The following TOMM34 variants were observed in gnomAD, a reference collection of about 807,000 sequenced individuals.
TOMM34 encodes the protein translocase of outer mitochondrial membrane 34.
In TOMM34, 24 loss-of-function variants were observed where a neutral mutation model predicts 37.4. The observed-to-expected ratio is 0.64, with a 90% CI of 0.46 to 0.90. TOMM34 has a LOEUF of 0.90. TOMM34 is among the 40% of genes least tolerant of loss of function. TOMM34 has a pLI of 0.00. For missense variants in TOMM34, 304 were observed against 375.6 expected (o/e 0.81, Z 1.58); for synonymous variants, 154 against 148.9 (o/e 1.03, Z -0.25).
chr20:44,948,789 A>G lies in TOMM34; in HGVS notation c.639T>C (p.Ile213=). 1 of 1,614,136 alleles carries G rather than the reference A, an allele frequency of 6.2e-7. No homozygotes were observed. Among genetic ancestry groups the G allele is most frequent in the Non-Finnish European group, 8.5e-7 (1 of 1,180,014 alleles). Residue 213 remains isoleucine (I), a synonymous_variant, in exon 5 of 7, where the codon ATT becomes ATC. Transcript: ENST00000372813. ...ACAAGAGGCTTTCACTGTACTTCTC[A>G]ATAGCTTTCTTATGGTTTCCCTTCT... ...LVKKGNHKKA[I]EKYSESLLCS...
chr20:44,943,630 C>T (rs2145591821), intron 5 of TOMM34, 51 bp from the exon 6 acceptor site: 7 of 1,610,932 alleles, frequency 4.3e-6, no homozygotes, highest in Non-Finnish European at 5.9e-6. Flanking sequence ...ATGGGCCACC[C>T]ACATGCCACG....
chr20:44,949,303 C>T (rs975276998), intron 4 of TOMM34, among the ~76,000 whole-genome samples: 11 of 152,142 alleles, frequency 7.2e-5, no homozygotes, highest in Middle Eastern at 3.4e-3. Context: ...TAAGAAAGTA[C>T]GGAACACACT....
rs765513123 is a variant in TOMM34 at position 44,960,197 on chromosome 20, G to A, written c.127+10C>T. On this transcript the variant is annotated intron_variant, in intron 1 of 6. Transcript: ENST00000372813. ...CAGGCCCGGAGGTGAGATGGGGGCC[G>A]GGGTCGTACCTTGCGCCTGCAGCAC... The A allele has an allele frequency of 6.4e-7, 1 of 1,554,624 alleles. No individual in the cohort carries two copies. The highest frequency in any genetic ancestry group is 1.4e-5 in the African/African-American group (1 of 72,260).
intron 2 of TOMM34, 88 bp downstream of exon 2, chr20:44,956,298 G>T: frequency 1.6e-6 from 2 of 1,271,118 alleles, no homozygotes; most frequent in Non-Finnish European, 2.3e-6. Flanking sequence ...TAATTGATGG[G>T]ATCCTTCCAA....
chr20:44,951,166 T>G (rs745958919), intron 4 of TOMM34, among the ~76,000 whole-genome samples: 1 of 152,094 alleles, frequency 6.6e-6, no homozygotes, highest in Non-Finnish European at 1.5e-5. Context: ...AGAAAATGAT[T>G]GAGAAAATAT....
At chr20:44,947,490 A>G (rs1371024246) in intron 5 of TOMM34, among the ~76,000 whole-genome samples, 2 of 152,128 alleles carry the variant, frequency 1.3e-5, no homozygotes, top group Non-Finnish European at 2.9e-5. Flanking sequence ...TTACCTCACT[A>G]AAATGGAAAA....
intron 1 of TOMM34, 178 bp downstream of exon 1, chr20:44,960,029 A>C (rs1026882962): frequency 1.5e-5 from 15 of 980,808 alleles, no homozygotes; most frequent in Non-Finnish European, 1.8e-5. Flanking sequence ...CCAACAGGGC[A>C]GTTAACAAGC....
chr20:44,943,461 C>T lies in TOMM34; in HGVS notation c.817G>A (p.Ala273Thr), dbSNP rs756013682. The change falls in exon 6 of 7, where the codon GCA becomes ACA. Residue 273 changes from alanine (A) to threonine (T), a missense_variant. Physicochemically the swap from Ala to Thr is moderately conservative, Grantham distance 58 (BLOSUM62 0). Coordinates refer to ENST00000372813, the MANE Select transcript of TOMM34 (RefSeq NM_006809.5). ...AFYRRAQAHK[A>T]LKDYKSSFAD... ...CCAGGATTTTTTTTTACCTTGAGTGCTTTGTGGGCTTGAGCCCGTCTGTAG... is the reference window on the plus strand; with the variant it reads ...CCAGGATTTTTTTTTACCTTGAGTGTTTTGTGGGCTTGAGCCCGTCTGTAG... 14 of 1,613,960 alleles carry T rather than the reference C, an allele frequency of 8.7e-6. No homozygotes were observed. The Admixed American group carries it at 2.3e-4, about 27-fold the overall frequency.
rs1351481825 is a variant in TOMM34, at chr20:44,960,225, G to T, written c.109C>A (p.Arg37=). ...EASALYGRAL[R]VLQAQGSSDP... ...GTCGTACCTTGCGCCTGCAGCACCC[G>T]CAGCGCGCGGCCGTAGAGCGCGGAG... Residue 37 remains arginine, a synonymous_variant, in exon 1 of 7, where the codon CGG becomes AGG. Transcript: ENST00000372813. 1.3e-6 allele frequency: 2 copies of T among 1,560,014 alleles called. No homozygotes were observed.
chr20:44,945,513 C>T (rs1366412304), intron 5 of TOMM34, among the ~76,000 whole-genome samples: 22 of 152,222 alleles, frequency 1.4e-4, no homozygotes. Context: ...GAGCCTTGAA[C>T]TGACAGGGAA....
chr20:44,958,774 G>C (rs905413043), intron 1 of TOMM34: 1 of 153,382 alleles, frequency 6.5e-6, no homozygotes, highest in Non-Finnish European at 1.5e-5. Context: ...GACCAGCTGG[G>C]GTGAGATGAA....
rs199961306 is a variant in TOMM34 at position 44,943,592 on chromosome 20, A to G, written c.699-13T>C. The G allele has an allele frequency of 1.6e-5, 26 of 1,613,934 alleles. No individual in the cohort carries two copies. The highest frequency in any genetic ancestry group is 2.2e-5 in the Non-Finnish European group (26 of 1,179,982). ...ATAGCAGAGTGCTCTGAAGGGAAAG[A>G]CCATTTCAGAGGTTTCAGTCACGTC... On this transcript the variant is annotated splice_polypyrimidine_tract_variant and intron_variant, in intron 5 of 6. Transcript: ENST00000372813.
Position 44,951,840 on chromosome 20 carries a change from C to A in TOMM34, c.543G>T (p.Lys181Asn). 6.2e-7 allele frequency: 1 copy of A among 1,613,658 alleles called. No homozygotes were observed. The highest frequency in any genetic ancestry group is 8.5e-7 in the Non-Finnish European group (1 of 1,179,736). Residue 181 changes from lysine (K) to asparagine (N), a missense_variant, in exon 4 of 7, where the codon AAG becomes AAT. Transcript: ENST00000372813. ...CAGGGAGTCACAGCTCACCTCTGTT[C>A]TTTGTAGCTGTGGTTTCTTTGGATT... ...KSKSKETTAT[K>N]NRVPSAGDVE... is the part of the protein sequence containing the mutation.
At chr20:44,945,677 G>A (rs888697232) in intron 5 of TOMM34, among the ~76,000 whole-genome samples, 1 of 152,212 alleles carries the variant, frequency 6.6e-6, no homozygotes, top group African/African-American at 2.4e-5. Context: ...AGACATTCGA[G>A]GAAGAAGGCT....
chr20:44,947,735 A>T (rs527679085), intron 5 of TOMM34, among the ~76,000 whole-genome samples: 2 of 152,260 alleles, frequency 1.3e-5, no homozygotes, highest in East Asian at 3.9e-4. Context: ...CCTGACCTCA[A>T]GTGATCCTCC....
Position 44,956,378 on chromosome 20 carries a change from C to T in TOMM34, c.227+8G>A, listed in dbSNP as rs1159031134. ...TCAGGCATCCCAAAATTACCCTTGGCCACTTACGAAGTGCAATCTTTGATG... is the reference window on the plus strand; with the variant it reads ...TCAGGCATCCCAAAATTACCCTTGGTCACTTACGAAGTGCAATCTTTGATG... On this transcript the variant is annotated splice_region_variant and intron_variant, in intron 2 of 6. Transcript: ENST00000372813. 4 of 1,613,718 alleles carry T rather than the reference C, an allele frequency of 2.5e-6. No homozygotes were observed. The highest frequency in any genetic ancestry group is 1.3e-5 in the African/African-American group (1 of 74,928).
chr20:44,960,250 G>T lies in TOMM34; in HGVS notation c.84C>A (p.Ala28=). The change falls in exon 1 of 7, where the codon GCC becomes GCA. Residue 28 remains alanine, a synonymous_variant. Coordinates refer to ENST00000372813, the MANE Select transcript of TOMM34 (RefSeq NM_006809.5). ...ESFRNGQYAE[A]SALYGRALRV... is the part of the protein sequence containing the mutation. ...GCAGCGCGCGGCCGTAGAGCGCGGA[G>T]GCCTCGGCGTACTGGCCGTTGCGGA... The T allele has an allele frequency of 6.4e-7, 1 of 1,569,386 alleles. No individual in the cohort carries two copies. The highest frequency in any genetic ancestry group is 2.4e-5 in the East Asian group (1 of 41,866).
intron 4 of TOMM34, among the ~76,000 whole-genome samples, chr20:44,950,117 T>C (rs534844043): frequency 1.3e-5 from 2 of 152,316 alleles, no homozygotes; most frequent in Admixed American, 1.3e-4. Context: ...CCTGTGCACA[T>C]GCACACAGGT....
intron 1 of TOMM34, among the ~76,000 whole-genome samples, chr20:44,957,317 T>C (rs1004803208): frequency 1.3e-5 from 2 of 152,050 alleles, no homozygotes; most frequent in African/African-American, 4.8e-5. Context: ...CTCAGCCTCC[T>C]GAGTAGCTGG....
Sources: allele counts gnomAD v4.1 joint callset (sites outside exome capture counted in the v4.1 genomes callset), GRCh38; gene constraint gnomAD v4.1.1; transcripts MANE v1.5; gene names NCBI Gene and HGNC (gene_info 2026-07-23, HGNC 2026-07-21).